The following CTNNBL1 variants were observed in gnomAD, a reference collection of about 807,000 sequenced individuals.
CTNNBL1 encodes the protein catenin beta like 1.
A neutral mutation model predicts 72.7 loss-of-function variants in CTNNBL1; 31 were observed. That is an observed-to-expected ratio of 0.43 (90% confidence interval 0.32 to 0.58). CTNNBL1 has a LOEUF of 0.58. CTNNBL1 is among the 20% of genes least tolerant of loss of function. CTNNBL1 has a pLI of 0.08. For synonymous variants in CTNNBL1, 240 were observed against 267.3 expected (o/e 0.90, Z 1.00); for missense variants, 534 against 725.1 (o/e 0.74, Z 3.03).
At chr20:37,781,739 G>C (rs892391812) in intron 10 of CTNNBL1, among the ~76,000 whole-genome samples, 11 of 152,084 alleles carry the variant, frequency 7.2e-5, no homozygotes, top group African/African-American at 2.7e-4. Context: ...TCTTTGTCTA[G>C]AGAGAGCCTA....
intron 10 of CTNNBL1, among the ~76,000 whole-genome samples, chr20:37,786,943 G>A (rs1247141337): frequency 4.6e-5 from 7 of 152,038 alleles, no homozygotes; most frequent in South Asian, 4.1e-4. Flanking sequence ...TAAATATTCC[G>A]TGAACATTTG....
rs1042952973 is a variant in CTNNBL1 at position 37,746,326 on chromosome 20, A to G, written c.327-142A>G. ...TTTCCCAAGGAAATTGTGTGACAGT[A>G]TGATGTTTGGATGAGTGTACTTCTT... On this transcript the variant is annotated intron_variant, in intron 3 of 15. Transcript: ENST00000361383. 1.5e-4 allele frequency: 117 copies of G among 778,822 alleles called. 1 individual carries two copies. The Admixed American group carries it at 2.5e-3, about 17-fold the overall frequency. 48.2% of individuals were successfully genotyped at this position (778,822 alleles called of 1,614,324 possible).
chr20:37,836,856 C>T (rs1458071460), intron 11 of CTNNBL1, among the ~76,000 whole-genome samples: 1 of 152,136 alleles, frequency 6.6e-6, no homozygotes, highest in Non-Finnish European at 1.5e-5. Flanking sequence ...AAATTTGGCT[C>T]AAATAATCGA....
At chr20:37,830,302 T>G (rs917013572) in intron 11 of CTNNBL1, among the ~76,000 whole-genome samples, 1 of 152,206 alleles carries the variant, frequency 6.6e-6, no homozygotes. Flanking sequence ...TCATGAATCT[T>G]AACACATTGT....
In CTNNBL1 at chr20:37,717,626, T is replaced by TA. The variant is rs1391850468; in HGVS notation, c.31-15252dup. 1.3e-3 allele frequency among the ~76,000 whole-genome samples: 200 copies of TA among 151,992 alleles called. 1 individual carries two copies. The highest frequency in any genetic ancestry group is 6.8e-3 in the Middle Eastern group (2 of 294). On this transcript the variant is annotated intron_variant, in intron 1 of 15. Transcript: ENST00000361383. ...TTCTTTTTTCTTTTCTTTTTTTTTT[T>TA]ATTGATCATTCTTGGGTGTTTCTCG...
chr20:37,715,100 A>G (rs1342773785), intron 1 of CTNNBL1, among the ~76,000 whole-genome samples: 1 of 152,262 alleles, frequency 6.6e-6, no homozygotes, highest in African/African-American at 2.4e-5. Context: ...AGCCGCTAAC[A>G]GTTCACTTGA....
At chr20:37,777,616 G>T (rs1209114985) in intron 8 of CTNNBL1, 38 bp from the exon 9 acceptor site, 12 of 1,596,254 alleles carry the variant, frequency 7.5e-6, no homozygotes, top group Non-Finnish European at 1.0e-5. Flanking sequence ...TGACAGTTAG[G>T]TTCATTTTTT....
chr20:37,709,469 G>A (rs775224445), intron 1 of CTNNBL1, among the ~76,000 whole-genome samples: 4 of 152,290 alleles, frequency 2.6e-5, no homozygotes, highest in East Asian at 1.9e-4. Context: ...GTTGGAATGC[G>A]ATTTTCTTTG....
intron 13 of CTNNBL1, among the ~76,000 whole-genome samples, chr20:37,843,852 G>GA (rs1174501831): frequency 1.3e-5 from 2 of 152,192 alleles, no homozygotes; most frequent in African/African-American, 4.8e-5. Flanking sequence ...CGGATTGATT[G>GA]AATTGATTAA....
intron 4 of CTNNBL1, chr20:37,751,518 A>C (rs2073319607): frequency 6.6e-6 from 1 of 152,198 alleles, no homozygotes; most frequent in African/African-American, 2.4e-5. Flanking sequence ...TTGTCAAGTG[A>C]GTTTTGTGAA....
At chr20:37,697,450 G>T (rs767106478) in intron 1 of CTNNBL1, among the ~76,000 whole-genome samples, 3 of 152,312 alleles carry the variant, frequency 2.0e-5, no homozygotes, top group Non-Finnish European at 4.4e-5. Flanking sequence ...GTAGAAGCTG[G>T]TGCAGCCTCA....
intron 1 of CTNNBL1, among the ~76,000 whole-genome samples, chr20:37,723,921 G>A (rs1260901864): frequency 6.6e-6 from 1 of 152,200 alleles, no homozygotes; most frequent in East Asian, 1.9e-4. Context: ...TATTGATTGA[G>A]CCAGAAGTCC....
intron 11 of CTNNBL1, among the ~76,000 whole-genome samples, chr20:37,804,039 G>A (rs2071930486): frequency 6.6e-6 from 1 of 152,126 alleles, no homozygotes; most frequent in Admixed American, 6.5e-5. Context: ...ACCTTCAGTG[G>A]TTATCTTCAG....
chr20:37,754,349 G>T (rs1852327364), intron 4 of CTNNBL1, among the ~76,000 whole-genome samples: 1 of 138,362 alleles, frequency 7.2e-6, no homozygotes, highest in African/African-American at 2.7e-5. Flanking sequence ...TCAAACTCCT[G>T]GACTCAGGCA....
intron 11 of CTNNBL1, among the ~76,000 whole-genome samples, chr20:37,820,351 C>T (rs755195407): frequency 1.6e-4 from 25 of 152,182 alleles, no homozygotes; most frequent in Non-Finnish European, 3.2e-4. Context: ...CAATTCATAC[C>T]ATCTCCAGTA....
chr20:37,803,148 G>A, intron 11 of CTNNBL1, 100 bp downstream of exon 11: 1 of 1,017,708 alleles, frequency 9.8e-7, no homozygotes, highest in Non-Finnish European at 1.4e-6. Flanking sequence ...GGGGATAGAG[G>A]GGAAGAGTGC....
chr20:37,759,580 T>A (rs915764613), intron 5 of CTNNBL1, among the ~76,000 whole-genome samples: 1 of 152,334 alleles, frequency 6.6e-6, no homozygotes, highest in East Asian at 1.9e-4. Context: ...GGGGAGCCAC[T>A]AGGTAACTGC....
At chr20:37,814,857 TAGA>T (rs1435458190) in intron 11 of CTNNBL1, among the ~76,000 whole-genome samples, 2 of 152,194 alleles carry the variant, frequency 1.3e-5, no homozygotes, top group Non-Finnish European at 1.5e-5. Flanking sequence ...TCTGTGCCAC[TAGA>T]AGATTTTTGA....
At chr20:37,700,088 G>T (rs2072827047) in intron 1 of CTNNBL1, among the ~76,000 whole-genome samples, 1 of 152,204 alleles carries the variant, frequency 6.6e-6, no homozygotes, top group African/African-American at 2.4e-5. Context: ...AACGCTTCAT[G>T]TGGTAGACTG....
Sources: gnomAD v4.1 joint callset for allele counts (sites outside exome capture counted in the v4.1 genomes callset) on GRCh38, gnomAD v4.1.1 for gene constraint, MANE v1.5 for transcripts, NCBI Gene and HGNC (gene_info 2026-07-23, HGNC 2026-07-21) for gene names.